The following NKAIN3 variants were observed in gnomAD, a reference collection of about 807,000 sequenced individuals.
The protein encoded by NKAIN3 is sodium/potassium transporting ATPase interacting 3.
A neutral mutation model predicts 30.2 loss-of-function variants in NKAIN3; 25 were observed. The ratio of observed to expected loss-of-function variants is 0.83; its 90% CI spans 0.60 to 1.16. The LOEUF (loss-of-function observed/expected upper bound fraction) is 1.16, where lower values mean the gene tolerates loss of function less well. NKAIN3 is among the 50% of genes most tolerant of loss of function. The probability of loss-of-function intolerance (pLI) is 0.00; values close to 1 mark genes in which losing one functional copy is unlikely to be tolerated. For missense variants in NKAIN3, 225 were observed against 254.1 expected, an observed-to-expected ratio of 0.89 and a Z score of 0.78; for synonymous variants, 91 against 89.6, an observed-to-expected ratio of 1.02 and a Z score of -0.09.
At chr8:62,509,946 C>A (rs1437616642) in intron 1 of NKAIN3, among the ~76,000 whole-genome samples, 1 of 152,050 alleles carries the variant, frequency 6.6e-6, no homozygotes, top group East Asian at 1.9e-4. Flanking sequence ...AGGACATGTG[C>A]ATAAATATGT....
intron 1 of NKAIN3, among the ~76,000 whole-genome samples, chr8:62,304,416 C>T (rs1254717960): frequency 6.7e-6 from 1 of 150,232 alleles, no homozygotes; most frequent in Non-Finnish European, 1.5e-5. Context: ...ATGCTTTTTT[C>T]CCCCTTTTAG....
chr8:62,591,478 A>T (rs1049163113), intron 3 of NKAIN3, among the ~76,000 whole-genome samples: 19 of 151,992 alleles, frequency 1.3e-4, no homozygotes, highest in African/African-American at 4.6e-4. Flanking sequence ...TAAAACAAAT[A>T]AATAAGTATC....
At chr8:62,750,696 T>C (rs1816252556) in intron 4 of NKAIN3, among the ~76,000 whole-genome samples, 1 of 152,138 alleles carries the variant, frequency 6.6e-6, no homozygotes, top group Admixed American at 6.5e-5. Flanking sequence ...CACCAAATCC[T>C]GAAGAAGAGT....
chr8:62,297,910 C>CTA (rs1813893025), intron 1 of NKAIN3, among the ~76,000 whole-genome samples: 1 of 152,108 alleles, frequency 6.6e-6, no homozygotes, highest in Admixed American at 6.6e-5. Context: ...ATAGCAAAGA[C>CTA]TTGGAACCAA....
chr8:62,450,541 C>T (rs977538783), intron 1 of NKAIN3, among the ~76,000 whole-genome samples: 3 of 152,170 alleles, frequency 2.0e-5, no homozygotes, highest in Admixed American at 1.3e-4. Flanking sequence ...TAAATAGTGA[C>T]TCATTTTGTC....
chr8:62,659,404 A>C (rs1812869609), intron 3 of NKAIN3, among the ~76,000 whole-genome samples: 1 of 152,206 alleles, frequency 6.6e-6, no homozygotes. Flanking sequence ...AATTTTTTGT[A>C]AGGATTAAAT....
intron 1 of NKAIN3, among the ~76,000 whole-genome samples, chr8:62,550,305 A>G (rs940636631): frequency 9.2e-5 from 14 of 152,188 alleles, no homozygotes; most frequent in Non-Finnish European, 2.1e-4. Flanking sequence ...CACTTGGTGT[A>G]TGATTCTCAT....
chr8:62,844,007 C>T (rs17181566), intron 4 of NKAIN3, among the ~76,000 whole-genome samples: 12,480 of 152,122 alleles, frequency 0.082, 566 homozygotes, highest in South Asian at 0.14. Context: ...TACTAAGAAT[C>T]CTAAATCCGA....
intron 3 of NKAIN3, among the ~76,000 whole-genome samples, chr8:62,731,683 C>G (rs1379894456): frequency 1.3e-5 from 2 of 152,040 alleles, no homozygotes; most frequent in Admixed American, 6.6e-5. Flanking sequence ...AGTTAGCCCC[C>G]GAAACCGCAA....
chr8:62,832,155 AG>A (rs1455523235), intron 4 of NKAIN3, among the ~76,000 whole-genome samples: 1 of 151,986 alleles, frequency 6.6e-6, no homozygotes, highest in Non-Finnish European at 1.5e-5. Context: ...TTTCCATAAA[AG>A]CCATCACTAA....
chr8:62,445,358 A>G (rs2129598508), intron 1 of NKAIN3, among the ~76,000 whole-genome samples: 1 of 150,442 alleles, frequency 6.6e-6, no homozygotes, highest in East Asian at 2.0e-4. Context: ...TCTTTTGCCC[A>G]TTTTAACATC....
chr8:62,879,442 T>C (rs1820906476), intron 4 of NKAIN3, among the ~76,000 whole-genome samples: 1 of 152,196 alleles, frequency 6.6e-6, no homozygotes. Context: ...ATTGCAAAAA[T>C]TTTCTCCCAT....
chr8:62,341,289 A>G (rs1815737038), intron 1 of NKAIN3, among the ~76,000 whole-genome samples: 1 of 152,068 alleles, frequency 6.6e-6, no homozygotes, highest in African/African-American at 2.4e-5. Flanking sequence ...GACATTTATG[A>G]TGTTAATTTT....
intron 4 of NKAIN3, among the ~76,000 whole-genome samples, chr8:62,841,136 G>A (rs994996294): frequency 2.0e-4 from 30 of 151,670 alleles, no homozygotes; most frequent in African/African-American, 5.1e-4. Flanking sequence ...CCTAGAATGC[G>A]GAAATTTTCC....
chr8:62,256,807 A>G (rs1425491912), intron 1 of NKAIN3, among the ~76,000 whole-genome samples: 1 of 152,172 alleles, frequency 6.6e-6, no homozygotes, highest in Non-Finnish European at 1.5e-5. Context: ...TGCTTTTATA[A>G]AAGTGCCTCA....
chr8:62,904,048 C>G (rs1456948817), intron 4 of NKAIN3, among the ~76,000 whole-genome samples: 2 of 152,170 alleles, frequency 1.3e-5, no homozygotes, highest in African/African-American at 4.8e-5. Flanking sequence ...AGGGTGAACC[C>G]TTGGACAAAG....
At chr8:62,796,332 C>T (rs1052450103) in intron 4 of NKAIN3, among the ~76,000 whole-genome samples, 1 of 127,134 alleles carries the variant, frequency 7.9e-6, no homozygotes, top group African/African-American at 3.0e-5. Context: ...TGCAGTGAGC[C>T]GAGATCACAC....
intron 1 of NKAIN3, among the ~76,000 whole-genome samples, chr8:62,394,982 T>G (rs952624666): frequency 0.066 from 3,896 of 58,852 alleles, no homozygotes; most frequent in Middle Eastern, 0.14. Context: ...CCCAGACGGG[T>G]CGGCGGCCGG....
intron 1 of NKAIN3, among the ~76,000 whole-genome samples, chr8:62,521,892 A>C (rs1808170759): frequency 6.6e-6 from 1 of 152,134 alleles, no homozygotes; most frequent in South Asian, 2.1e-4. Context: ...GGGAAGTCTG[A>C]ATTCTTAAAC....
Sources: gnomAD v4.1 joint callset for allele counts (sites outside exome capture counted in the v4.1 genomes callset) on GRCh38, gnomAD v4.1.1 for gene constraint, MANE v1.5 for transcripts, NCBI Gene and HGNC (gene_info 2026-07-23, HGNC 2026-07-21) for gene names.